The following UBE2F variants were observed in gnomAD, a reference collection of about 807,000 sequenced individuals.
The protein encoded by UBE2F is NEDD8-conjugating enzyme UBE2F.
A neutral mutation model predicts 29.6 loss-of-function variants in UBE2F; 5 were observed. The ratio of observed to expected loss-of-function variants is 0.17; its 90% CI spans 0.09 to 0.36. The LOEUF (loss-of-function observed/expected upper bound fraction) is 0.36. UBE2F is among the 10% of genes least tolerant of loss of function. The pLI is 1.00. For synonymous variants in UBE2F, 66 were observed against 81.8 expected (o/e 0.81, Z 1.04); for missense variants, 141 against 228.5 (o/e 0.62, Z 2.47).
rs951319452 is a variant in UBE2F at position 237,967,092 on chromosome 2, G to A, written c.-57G>A. On this transcript the variant is annotated 5_prime_UTR_variant, in exon 1 of 10. Transcript: ENST00000272930. The surrounding 1 kb of genome is among the most constrained non-coding windows in gnomAD (Gnocchi z 6.3). ...AGCAGCCGCCCGGACCGGGCATGGTGTTGGGCGCCGGGCCCGCCTCGCCTG... is the reference window on the plus strand; with the variant it reads ...AGCAGCCGCCCGGACCGGGCATGGTATTGGGCGCCGGGCCCGCCTCGCCTG... 2.2e-6 allele frequency: 3 copies of A among 1,350,184 alleles called. No homozygotes were observed. The highest frequency in any genetic ancestry group is 9.5e-7 in the Non-Finnish European group (1 of 1,047,612). The allele number at this position is 1,350,184 out of a possible 1,614,324, so 83.6% of individuals were successfully genotyped here. A position where few individuals can be genotyped will look rare whatever the true frequency, so the allele number is the denominator to read the frequency against.
chr2:238,023,715 T>C (rs1358644733), intron 5 of UBE2F, among the ~76,000 whole-genome samples: 3 of 152,210 alleles, frequency 2.0e-5, no homozygotes, highest in Non-Finnish European at 4.4e-5. Flanking sequence ...TCTGATGAGA[T>C]CCTGTGATTT....
At chr2:237,976,771 A>T (rs554110858) in intron 2 of UBE2F, among the ~76,000 whole-genome samples, 1 of 152,212 alleles carries the variant, frequency 6.6e-6, no homozygotes, top group African/African-American at 2.4e-5. Flanking sequence ...TTTTGGCCCC[A>T]TTCGAGCCAT....
chr2:237,997,617 T>C (rs950447776), intron 4 of UBE2F, among the ~76,000 whole-genome samples: 1 of 152,254 alleles, frequency 6.6e-6, no homozygotes, highest in Non-Finnish European at 1.5e-5. Flanking sequence ...CCAGTAATCC[T>C]GGAGCTAGGG....
At chr2:238,012,062 T>TC (rs71402751) in intron 4 of UBE2F, among the ~76,000 whole-genome samples, 2 of 150,382 alleles carry the variant, frequency 1.3e-5, no homozygotes, top group African/African-American at 2.4e-5. Flanking sequence ...TTTTTTTTTT[T>TC]CTGTGGAGAT....
intron 1 of UBE2F, among the ~76,000 whole-genome samples, chr2:237,970,879 T>G: frequency 6.6e-6 from 1 of 152,140 alleles, no homozygotes; most frequent in East Asian, 1.9e-4. Context: ...GAGCTAATTT[T>G]TTTTGGTATT....
intron 4 of UBE2F, among the ~76,000 whole-genome samples, chr2:238,011,583 A>G (rs1278419509): frequency 6.6e-6 from 1 of 152,240 alleles, no homozygotes; most frequent in Non-Finnish European, 1.5e-5. Flanking sequence ...TGAATAATGA[A>G]TTTAAGCAAA....
intron 8 of UBE2F, among the ~76,000 whole-genome samples, chr2:238,034,048 C>T (rs556404479): frequency 5.3e-5 from 8 of 152,154 alleles, no homozygotes; most frequent in East Asian, 1.9e-4. Flanking sequence ...TCCCAGGCTC[C>T]TTGGCTCTGA....
chr2:238,026,282 A>G (rs971972643), intron 6 of UBE2F, among the ~76,000 whole-genome samples: 5 of 152,122 alleles, frequency 3.3e-5, no homozygotes, highest in African/African-American at 4.8e-5. Flanking sequence ...CATTTCTCCT[A>G]CTTTTGACAT....
intron 4 of UBE2F, among the ~76,000 whole-genome samples, chr2:238,008,038 C>T (rs1405926993): frequency 6.6e-6 from 1 of 152,126 alleles, no homozygotes; most frequent in Non-Finnish European, 1.5e-5. Context: ...ACTGCAGCCT[C>T]AACATCCTGG....
At chr2:238,004,050 C>T (rs1005227629) in intron 4 of UBE2F, among the ~76,000 whole-genome samples, 2 of 152,118 alleles carry the variant, frequency 1.3e-5, no homozygotes, top group Non-Finnish European at 2.9e-5. Flanking sequence ...TAGTGTAATG[C>T]TTTTGACATT....
chr2:237,994,626 T>C (rs2063655132), intron 3 of UBE2F, 118 bp from the exon 4 acceptor site: 4 of 750,624 alleles, frequency 5.3e-6, no homozygotes, highest in Admixed American at 2.4e-5. Flanking sequence ...CTACCAACTT[T>C]CCATAAACCA....
Position 237,977,752 on chromosome 2 carries a change from A to G in UBE2F, c.118+4527A>G, listed in dbSNP as rs2063310207. Reference sequence around the variant, plus strand: ...GGTGAAATCCAAACTCCCTTTTGGGACTTTGAGAAAAGTAGAGTGTTGGAG... The same window carrying G: ...GGTGAAATCCAAACTCCCTTTTGGGGCTTTGAGAAAAGTAGAGTGTTGGAG... On this transcript the variant is annotated intron_variant, in intron 2 of 9. Coordinates refer to ENST00000272930, the MANE Select transcript of UBE2F (RefSeq NM_080678.3). 1.3e-5 allele frequency among the ~76,000 whole-genome samples: 2 copies of G among 152,088 alleles called. 1 individual carries two copies. The highest frequency in any genetic ancestry group is 4.1e-4 in the South Asian group (2 of 4,830).
intron 3 of UBE2F, 108 bp from the exon 4 acceptor site, chr2:237,994,636 A>G (rs768195879): frequency 1.9e-4 from 157 of 826,700 alleles, no homozygotes; most frequent in Non-Finnish European, 2.8e-4. Flanking sequence ...TCCATAAACC[A>G]TACGAATCCC....
chr2:238,026,464 C>T (rs1188135459), intron 6 of UBE2F, among the ~76,000 whole-genome samples: 7 of 151,922 alleles, frequency 4.6e-5, no homozygotes, highest in Non-Finnish European at 8.8e-5. Context: ...GATGGAGTCT[C>T]GCTTTGTTGC....
chr2:238,036,591 T>G (rs892015965), intron 9 of UBE2F, among the ~76,000 whole-genome samples: 2 of 152,150 alleles, frequency 1.3e-5, no homozygotes, highest in Admixed American at 6.5e-5. Context: ...ATCCCAGCCT[T>G]TGGGAGGCCA....
intron 4 of UBE2F, among the ~76,000 whole-genome samples, chr2:238,005,753 G>T (rs1401681401): frequency 1.3e-5 from 2 of 151,940 alleles, no homozygotes; most frequent in African/African-American, 4.8e-5. Context: ...CCATTCCATT[G>T]TTCTGCACGT....
intron 1 of UBE2F, among the ~76,000 whole-genome samples, chr2:237,972,523 G>A (rs190482118): frequency 6.7e-6 from 1 of 149,768 alleles, no homozygotes; most frequent in Non-Finnish European, 1.5e-5. Flanking sequence ...TGAAATGCAT[G>A]ACTCTTTTTA....
intron 3 of UBE2F, among the ~76,000 whole-genome samples, chr2:237,990,924 T>C (rs967284021): frequency 6.6e-6 from 1 of 152,136 alleles, no homozygotes; most frequent in African/African-American, 2.4e-5. Context: ...CCAACACATG[T>C]AGACATTTAA....
At chr2:238,014,749 C>T (rs1376927473) in intron 4 of UBE2F, among the ~76,000 whole-genome samples, 3 of 152,200 alleles carry the variant, frequency 2.0e-5, no homozygotes, top group Admixed American at 6.5e-5. Flanking sequence ...TGTGTTGTGC[C>T]ACAGTGGTCA....
Sources: gnomAD v4.1 joint callset for allele counts (sites outside exome capture counted in the v4.1 genomes callset) on GRCh38, gnomAD v4.1.1 for gene constraint, Gnocchi (gnomAD v3.1) non-coding constraint, MANE v1.5 for transcripts, NCBI Gene and HGNC (gene_info 2026-07-23, HGNC 2026-07-21) for gene names.